Variants in SDK1 observed in about 807,000 individuals in gnomAD.
SDK1 encodes protein sidekick-1.
Under a neutral mutation model 245.5 loss-of-function variants are expected in SDK1, and 157 were observed. The observed-to-expected ratio is 0.64, with a 90% CI of 0.56 to 0.73. The LOEUF (loss-of-function observed/expected upper bound fraction) is 0.73, where lower values mean the gene tolerates loss of function less well. Among genes scored for constraint, SDK1 ranks in the 30% least tolerant of loss-of-function variants. The probability of loss-of-function intolerance (pLI) is 0.00; values close to 1 mark genes in which losing one functional copy is unlikely to be tolerated. For synonymous variants in SDK1, 1,647 were observed against 1,278.5 expected, an observed-to-expected ratio of 1.29 and a Z score of -6.15; for missense variants, 3,583 against 3,002.3, an observed-to-expected ratio of 1.19 and a Z score of -4.52.
chr7:3,974,110 G>T (rs1162973067), intron 12 of SDK1, among the ~76,000 whole-genome samples: 1 of 149,760 alleles, frequency 6.7e-6, no homozygotes, highest in Non-Finnish European at 1.5e-5. Flanking sequence ...CTTGAACCCA[G>T]GAGGTGGAGG....
intron 25 of SDK1, among the ~76,000 whole-genome samples, chr7:4,116,030 C>T (rs963667404): frequency 6.6e-6 from 1 of 152,094 alleles, no homozygotes; most frequent in African/African-American, 2.4e-5. Flanking sequence ...GGGCTGCCAT[C>T]CTCAGGACAG....
intron 4 of SDK1, among the ~76,000 whole-genome samples, chr7:3,800,812 G>A (rs916784408): frequency 1.3e-5 from 2 of 152,262 alleles, no homozygotes; most frequent in Admixed American, 1.3e-4. Flanking sequence ...CATACCTTTT[G>A]AGATAGCTTA....
chr7:4,243,614 C>G (rs1373827345), intron 43 of SDK1, among the ~76,000 whole-genome samples: 2 of 151,808 alleles, frequency 1.3e-5, no homozygotes, highest in Non-Finnish European at 2.9e-5. Flanking sequence ...TTTATAAAAC[C>G]ATCAGATCGT....
intron 2 of SDK1, among the ~76,000 whole-genome samples, chr7:3,629,070 A>G (rs10267519): frequency 0.35 from 52,218 of 151,130 alleles, 9,673 homozygotes; most frequent in African/African-American, 0.46. Context: ...AGACGGGCAG[A>G]TCACGAGGTC....
rs550875981 is a variant in SDK1, at chr7:3,874,854, A to T, written c.847+53271A>T. On this transcript the variant is annotated intron_variant, in intron 5 of 44. Coordinates refer to ENST00000404826, the MANE Select transcript of SDK1 (RefSeq NM_152744.4). ...AAAGCTTTTGTTCTTCCAGGAACAT[A>T]GGGGAGATACGTCTCAGGAGAGTTT... 3.3e-5 allele frequency among the ~76,000 whole-genome samples: 5 copies of T among 152,254 alleles called. No homozygotes were observed. In the South Asian group the frequency reaches 1.0e-3, roughly 32 times the overall value.
chr7:3,611,969 C>G (rs747673300), intron 1 of SDK1, among the ~76,000 whole-genome samples: 18 of 152,040 alleles, frequency 1.2e-4, no homozygotes, highest in Non-Finnish European at 2.4e-4. Flanking sequence ...GAACTGGAGA[C>G]CATTATTCTA....
intron 2 of SDK1, among the ~76,000 whole-genome samples, chr7:3,636,959 C>G (rs1012972063): frequency 3.9e-5 from 6 of 152,036 alleles, no homozygotes; most frequent in African/African-American, 9.7e-5. Flanking sequence ...TTTCATATAC[C>G]TGTTGACCAT....
chr7:3,502,261 A>C lies in SDK1; in HGVS notation c.299-116819A>C, dbSNP rs558505574. Among the ~76,000 whole-genome samples, 3 of 151,998 alleles carry C rather than the reference A, an allele frequency of 2.0e-5. No homozygotes were observed. In the South Asian group the frequency reaches 6.2e-4, roughly 32 times the overall value. Reference sequence around the variant, plus strand: ...TAATTAATTAATTTATTTTTAGACAAAGTCTTGCTTAAAGTCTTGCTCTTG... The same window carrying C: ...TAATTAATTAATTTATTTTTAGACACAGTCTTGCTTAAAGTCTTGCTCTTG... On this transcript the variant is annotated intron_variant, in intron 1 of 44. Coordinates refer to ENST00000404826, the MANE Select transcript of SDK1 (RefSeq NM_152744.4).
chr7:3,436,088 GTTTTA>G (rs1780014709), intron 1 of SDK1, among the ~76,000 whole-genome samples: 1 of 152,106 alleles, frequency 6.6e-6, no homozygotes, highest in African/African-American at 2.4e-5. Context: ...AAAATAGGTT[GTTTTA>G]TTTTCAATAT....
At chr7:4,150,182 C>T (rs912837872) in intron 30 of SDK1, among the ~76,000 whole-genome samples, 2 of 152,182 alleles carry the variant, frequency 1.3e-5, no homozygotes, top group Admixed American at 1.3e-4. Flanking sequence ...GGAGTCCACA[C>T]CCTCACCACA....
intron 1 of SDK1, among the ~76,000 whole-genome samples, chr7:3,565,106 C>G (rs547315311): frequency 2.8e-5 from 4 of 143,576 alleles, no homozygotes; most frequent in Admixed American, 1.4e-4. Context: ...ACTTTTATTA[C>G]TTTTTTTTTT....
chr7:3,306,267 T>A (rs1779415025), intron 1 of SDK1, among the ~76,000 whole-genome samples: 2 of 152,226 alleles, frequency 1.3e-5, no homozygotes, highest in South Asian at 4.1e-4. Context: ...CCCTTCCATC[T>A]ACACATTCGT....
In SDK1 at chr7:3,955,797, C is replaced by G. The variant is rs923386904; in HGVS notation, c.1151-3134C>G. Among the ~76,000 whole-genome samples the G allele has an allele frequency of 5.9e-5, 9 of 152,212 alleles. No individual in the cohort carries two copies. The East Asian group carries it at 1.7e-3, about 29-fold the overall frequency. Reference sequence around the variant, plus strand: ...GGGTCCTTCTCCACTGCGGTTGCCTCCATTGGGCCTGAGCCTGCACTTTGT... The same window carrying G: ...GGGTCCTTCTCCACTGCGGTTGCCTGCATTGGGCCTGAGCCTGCACTTTGT... On this transcript the variant is annotated intron_variant, in intron 7 of 44. Coordinates refer to ENST00000404826, the MANE Select transcript of SDK1 (RefSeq NM_152744.4).
chr7:4,128,407 C>T (rs892961505), intron 26 of SDK1, among the ~76,000 whole-genome samples: 1 of 152,344 alleles, frequency 6.6e-6, no homozygotes, highest in South Asian at 2.1e-4. Context: ...CCTGGGGCCC[C>T]GAGAAACGCG....
intron 4 of SDK1, among the ~76,000 whole-genome samples, chr7:3,665,603 C>T (rs993096008): frequency 1.6e-4 from 24 of 152,082 alleles, no homozygotes; most frequent in Admixed American, 1.0e-3. Context: ...TGTTTGTTTC[C>T]TTGTCCTTCT....
intron 5 of SDK1, among the ~76,000 whole-genome samples, chr7:3,861,252 G>GA (rs1365668740): frequency 5.9e-5 from 9 of 152,326 alleles, no homozygotes; most frequent in Middle Eastern, 6.8e-3. Context: ...AAAGGTCAGT[G>GA]AAGCGCCGTG....
chr7:4,072,365 A>G (rs1351813264), intron 20 of SDK1, among the ~76,000 whole-genome samples: 1 of 152,056 alleles, frequency 6.6e-6, no homozygotes, highest in Non-Finnish European at 1.5e-5. Flanking sequence ...GCTCACTGTA[A>G]TGTGCACCTT....
chr7:3,686,075 T>TC (rs1157612371), intron 4 of SDK1, among the ~76,000 whole-genome samples: 1 of 151,708 alleles, frequency 6.6e-6, no homozygotes, highest in Non-Finnish European at 1.5e-5. Context: ...AGGCAAACTT[T>TC]TTTTTATTTT....
At chr7:3,955,278 C>T (rs574782895) in intron 7 of SDK1, among the ~76,000 whole-genome samples, 6 of 152,252 alleles carry the variant, frequency 3.9e-5, no homozygotes, top group South Asian at 2.1e-4. Context: ...TCCAGAGTCC[C>T]CTGCATCCCT....
Sources: gnomAD v4.1 joint callset for allele counts (sites outside exome capture counted in the v4.1 genomes callset) on GRCh38, gnomAD v4.1.1 for gene constraint, MANE v1.5 for transcripts, NCBI Gene and HGNC (gene_info 2026-07-23, HGNC 2026-07-21) for gene names.